PSD3: variants seen among roughly 807,000 people sequenced by gnomAD.
PSD3 encodes the protein pleckstrin and Sec7 domain containing 3.
Under a neutral mutation model 105.5 loss-of-function variants are expected in PSD3, and 49 were observed. That is an observed-to-expected ratio of 0.46 (90% confidence interval 0.37 to 0.59). The LOEUF (loss-of-function observed/expected upper bound fraction) is 0.59, where lower values mean the gene tolerates loss of function less well. Among genes scored for constraint, PSD3 ranks in the 20% least tolerant of loss-of-function variants. The probability of loss-of-function intolerance (pLI) is 0.00; values close to 1 mark genes in which losing one functional copy is unlikely to be tolerated. For synonymous variants in PSD3, 557 were observed against 457.8 expected, an observed-to-expected ratio of 1.22 and a Z score of -2.77; for missense variants, 1,561 against 1,263.8, an observed-to-expected ratio of 1.24 and a Z score of -3.57.
chr8:18,856,992 T>C (rs112404271), intron 4 of PSD3, among the ~76,000 whole-genome samples: 3 of 152,202 alleles, frequency 2.0e-5, no homozygotes, highest in Admixed American at 2.0e-4. Context: ...ACCCACACTC[T>C]TCGCCACCAA....
rs1198432700 is a variant in PSD3 at position 18,535,864 on chromosome 8, G to A, written c.3023C>T (p.Ser1008Leu). ...CGGGTTCAGCGAAGGACTCGAGTGCGACTTCTTCAGTCCTGCAGCCTCGCT... is the reference window on the plus strand; with the variant it reads ...CGGGTTCAGCGAAGGACTCGAGTGCAACTTCTTCAGTCCTGCAGCCTCGCT... ...DESEAAGLKK[S>L]HSSPSLNPDT... The change falls in exon 16 of 16, where the codon TCG becomes TTG. Residue 1008 changes from serine (S) to leucine (L), a missense_variant. Physicochemically the swap from Ser to Leu is moderately radical, Grantham distance 145. Coordinates refer to ENST00000327040, the MANE Select transcript of PSD3 (RefSeq NM_015310.4). 27 of 1,613,942 alleles carry A rather than the reference G, an allele frequency of 1.7e-5. No individual in the cohort carries two copies. The highest frequency in any genetic ancestry group is 2.3e-5 in the Non-Finnish European group (27 of 1,179,974).
At chr8:18,539,162 A>T (rs1156603433) in intron 15 of PSD3, among the ~76,000 whole-genome samples, 2 of 152,250 alleles carry the variant, frequency 1.3e-5, no homozygotes, top group African/African-American at 4.8e-5. Context: ...ACTAACCAGC[A>T]GGTATTAGTT....
chr8:18,997,181 G>A (rs1055430777), intron 1 of PSD3, among the ~76,000 whole-genome samples: 2 of 151,714 alleles, frequency 1.3e-5, no homozygotes, highest in African/African-American at 2.4e-5. Flanking sequence ...CTCTAACCCA[G>A]CCCCTTCCTC....
rs1455509464 is a variant in PSD3, at chr8:18,533,407, A to G, written c.*2336T>C. On this transcript the variant is annotated 3_prime_UTR_variant, in exon 16 of 16. Transcript: ENST00000327040. Reference sequence around the variant, plus strand: ...GCTTCAAAAGAGCCCTTCGTATCCAATGATCTATTAGCCTATCCAGAAGTC... The same window carrying G: ...GCTTCAAAAGAGCCCTTCGTATCCAGTGATCTATTAGCCTATCCAGAAGTC... The G allele has an allele frequency of 6.6e-6, 1 of 152,242 alleles. No homozygotes were observed. The highest frequency in any genetic ancestry group is 2.4e-5 in the African/African-American group (1 of 41,458). The allele number at this position is 152,242 out of a possible 1,614,324, so 9.4% of individuals were successfully genotyped here.
At chr8:18,583,776 T>C (rs768267295) in intron 12 of PSD3, among the ~76,000 whole-genome samples, 6 of 152,306 alleles carry the variant, frequency 3.9e-5, no homozygotes, top group South Asian at 2.1e-4. Context: ...ATTTCTCAAA[T>C]TGCACTGAAT....
intron 9 of PSD3, among the ~76,000 whole-genome samples, chr8:18,751,082 G>T (rs543824237): frequency 6.6e-6 from 1 of 152,138 alleles, no homozygotes. Context: ...CCTGGGCGCC[G>T]TGCAGCAGGG....
intron 9 of PSD3, among the ~76,000 whole-genome samples, chr8:18,689,418 T>C (rs1800847294): frequency 6.6e-6 from 1 of 151,832 alleles, no homozygotes. Context: ...GAACCATTAG[T>C]AGAAGGAGGT....
chr8:18,825,939 G>A (rs546199385), intron 4 of PSD3, among the ~76,000 whole-genome samples: 22 of 152,286 alleles, frequency 1.4e-4, no homozygotes, highest in Middle Eastern at 3.4e-3. Context: ...TAGACACCTG[G>A]TTAAACATTG....
chr8:18,595,699 A>T (rs1804045421), intron 12 of PSD3, among the ~76,000 whole-genome samples: 2 of 152,106 alleles, frequency 1.3e-5, no homozygotes, highest in Non-Finnish European at 2.9e-5. Context: ...TAATGAGTCA[A>T]TTCACCACAC....
intron 2 of PSD3, among the ~76,000 whole-genome samples, chr8:18,894,380 C>G (rs978731555): frequency 7.2e-5 from 11 of 152,118 alleles, no homozygotes; most frequent in African/African-American, 2.7e-4. Flanking sequence ...ATCAATAATT[C>G]CATAGCTCTA....
At position 18,911,371 on chromosome 8, in the gene PSD3, T is replaced by G. The variant is rs187798528; in HGVS notation, c.130+24663A>C. Among the ~76,000 whole-genome samples the G allele has an allele frequency of 2.4e-3, 372 of 152,332 alleles. 2 individuals carry two copies. The highest frequency in any genetic ancestry group is 2.6e-3 in the Non-Finnish European group (180 of 68,028). On this transcript the variant is annotated intron_variant, in intron 2 of 15. Coordinates refer to ENST00000327040, the MANE Select transcript of PSD3 (RefSeq NM_015310.4). ...ACTGTCACTTGGGAGCCAGTGGCAC[T>G]TCACTCCAATTTCCTGTAAGGCTGC...
chr8:18,844,347 T>A (rs1261855197), intron 4 of PSD3, among the ~76,000 whole-genome samples: 1 of 152,162 alleles, frequency 6.6e-6, no homozygotes, highest in Non-Finnish European at 1.5e-5. Context: ...AATATATAAA[T>A]AATTTAAGAT....
At chr8:19,072,988 T>G (rs1451995123) in intron 1 of PSD3, among the ~76,000 whole-genome samples, 2 of 152,162 alleles carry the variant, frequency 1.3e-5, no homozygotes, top group Admixed American at 6.5e-5. Context: ...CTGAATTTCT[T>G]GCTGGTCCAG....
chr8:18,657,852 A>C (rs1375780294), intron 9 of PSD3, among the ~76,000 whole-genome samples: 1 of 152,230 alleles, frequency 6.6e-6, no homozygotes, highest in African/African-American at 2.4e-5. Context: ...AGTAATTCAA[A>C]ATGTGGCAAA....
chr8:18,991,337 AAC>A (rs1223831955), intron 1 of PSD3, among the ~76,000 whole-genome samples: 20 of 105,790 alleles, frequency 1.9e-4, no homozygotes, highest in African/African-American at 3.9e-4. Context: ...GGCAACAGAA[AAC>A]ACACACACAC....
intron 9 of PSD3, among the ~76,000 whole-genome samples, chr8:18,707,628 A>T (rs1486956565): frequency 2.6e-5 from 4 of 152,218 alleles, no homozygotes; most frequent in Non-Finnish European, 5.9e-5. Flanking sequence ...AGCTCATATG[A>T]CTGATAACAC....
At chr8:18,690,368 G>C (rs1800905315) in intron 9 of PSD3, among the ~76,000 whole-genome samples, 1 of 152,188 alleles carries the variant, frequency 6.6e-6, no homozygotes, top group African/African-American at 2.4e-5. Flanking sequence ...AGCTACTACT[G>C]TTAAGGATAC....
chr8:18,764,931 G>C (rs964825408), intron 9 of PSD3, among the ~76,000 whole-genome samples: 2 of 152,142 alleles, frequency 1.3e-5, no homozygotes, highest in African/African-American at 4.8e-5. Flanking sequence ...AAAACAATCT[G>C]ATGAGGGGGA....
chr8:18,548,356 A>T (rs999740482), intron 15 of PSD3, among the ~76,000 whole-genome samples: 4 of 152,202 alleles, frequency 2.6e-5, no homozygotes, highest in Admixed American at 2.6e-4. Flanking sequence ...TATTATTATT[A>T]TTATTTTTTG....
Sources: gnomAD v4.1 joint callset for allele counts (sites outside exome capture counted in the v4.1 genomes callset) on GRCh38, gnomAD v4.1.1 for gene constraint, MANE v1.5 for transcripts, NCBI Gene and HGNC (gene_info 2026-07-23, HGNC 2026-07-21) for gene names.